GATAD2B: variants seen among roughly 807,000 people sequenced by gnomAD.
The protein encoded by GATAD2B is transcriptional repressor p66-beta.
A neutral mutation model predicts 64.3 loss-of-function variants in GATAD2B; 8 were observed. The ratio of observed to expected loss-of-function variants is 0.12; its 90% CI spans 0.07 to 0.22. GATAD2B has a LOEUF of 0.22. Among genes scored for constraint, GATAD2B ranks in the 10% least tolerant of loss-of-function variants. GATAD2B has a pLI of 1.00. For missense variants in GATAD2B, 453 were observed against 752.0 expected (o/e 0.60, Z 4.65); for synonymous variants, 281 against 271.3 (o/e 1.04, Z -0.35).
intron 1 of GATAD2B, among the ~76,000 whole-genome samples, chr1:153,913,847 G>A (rs930073178): frequency 2.1e-4 from 32 of 151,442 alleles, no homozygotes; most frequent in Non-Finnish European, 4.4e-4. Flanking sequence ...GTGAACCCGG[G>A]AGGCAGAGCT....
At chr1:153,825,375 C>T (rs1324478225) in intron 2 of GATAD2B, among the ~76,000 whole-genome samples, 1 of 152,164 alleles carries the variant, frequency 6.6e-6, no homozygotes, top group Non-Finnish European at 1.5e-5. Context: ...TCCAGGACCT[C>T]TAGGGAATCT....
intron 7 of GATAD2B, among the ~76,000 whole-genome samples, chr1:153,815,455 CT>C (rs66480651): frequency 0.9 from 135,546 of 150,060 alleles, 61,485 homozygotes; most frequent in Non-Finnish European, 0.95. Flanking sequence ...CAAAAACAAT[CT>C]TTTTTTTTTT....
At chr1:153,894,033 A>C (rs1008621542) in intron 1 of GATAD2B, among the ~76,000 whole-genome samples, 3 of 151,830 alleles carry the variant, frequency 2.0e-5, no homozygotes, top group South Asian at 2.1e-4. Flanking sequence ...AACACCACCA[A>C]CATGACTTTA....
At chr1:153,912,052 A>C (rs1037181694) in intron 1 of GATAD2B, among the ~76,000 whole-genome samples, 1 of 152,238 alleles carries the variant, frequency 6.6e-6, no homozygotes, top group Non-Finnish European at 1.5e-5. Flanking sequence ...GAAATTAAAA[A>C]TGCCCAGATT....
chr1:153,887,586 G>A (rs1390109014), intron 1 of GATAD2B, among the ~76,000 whole-genome samples: 1 of 152,140 alleles, frequency 6.6e-6, no homozygotes, highest in East Asian at 1.9e-4. Flanking sequence ...AGGGAGTACT[G>A]TTCTCAAAGT....
intron 1 of GATAD2B, among the ~76,000 whole-genome samples, chr1:153,881,414 CCAT>C (rs1677006082): frequency 6.6e-6 from 1 of 152,160 alleles, no homozygotes; most frequent in Non-Finnish European, 1.5e-5. Context: ...GAGACCCTTA[CCAT>C]TATAGCAAAT....
chr1:153,902,993 G>A (rs1281182864), intron 1 of GATAD2B, among the ~76,000 whole-genome samples: 1 of 152,078 alleles, frequency 6.6e-6, no homozygotes, highest in Non-Finnish European at 1.5e-5. Flanking sequence ...CGAGGCAGAG[G>A]GATCACAAGG....
chr1:153,820,238 A>G (rs981286617), intron 2 of GATAD2B, among the ~76,000 whole-genome samples: 2 of 152,248 alleles, frequency 1.3e-5, no homozygotes, highest in Non-Finnish European at 2.9e-5. Flanking sequence ...TTAAACCTCC[A>G]GAACCAAATA....
At chr1:153,876,820 T>A (rs563706538) in intron 1 of GATAD2B, among the ~76,000 whole-genome samples, 3 of 150,814 alleles carry the variant, frequency 2.0e-5, no homozygotes, top group Admixed American at 2.0e-4. Context: ...CTGGCCAACA[T>A]GGTGAAACCC....
intron 1 of GATAD2B, among the ~76,000 whole-genome samples, chr1:153,919,950 A>G (rs1474476469): frequency 1.3e-5 from 2 of 152,238 alleles, no homozygotes; most frequent in African/African-American, 4.8e-5. Context: ...TTTCTCTAGC[A>G]GTTGTTTTAA....
rs573474303 is a variant in GATAD2B, at chr1:153,854,866, T to C, written c.-1-26518A>G. Among the ~76,000 whole-genome samples, 15 of 152,268 alleles carry C rather than the reference T, an allele frequency of 9.9e-5. 1 individual carries two copies. In the South Asian group the frequency reaches 2.3e-3, roughly 23 times the overall value. On this transcript the variant is annotated intron_variant, in intron 1 of 10. Coordinates refer to ENST00000368655, the MANE Select transcript of GATAD2B (RefSeq NM_020699.4). ...GGGATCAAACTTTTCACTGCAGGCATTGAGACAATTAACATGGAAACAATC... is the reference window on the plus strand; with the variant it reads ...GGGATCAAACTTTTCACTGCAGGCACTGAGACAATTAACATGGAAACAATC...
intron 1 of GATAD2B, among the ~76,000 whole-genome samples, chr1:153,917,075 G>A (rs1678289562): frequency 6.6e-6 from 1 of 150,804 alleles, no homozygotes; most frequent in Non-Finnish European, 1.5e-5. Flanking sequence ...CAAAGTACTA[G>A]GAATACAGGT....
intron 7 of GATAD2B, among the ~76,000 whole-genome samples, chr1:153,814,826 A>G (rs527485558): frequency 6.6e-6 from 1 of 151,584 alleles, no homozygotes; most frequent in African/African-American, 2.4e-5. Context: ...AAACACAAAA[A>G]TTGGCCAGGT....
chr1:153,818,155 T>C lies in GATAD2B; in HGVS notation c.614A>G (p.Asn205Ser). 1 of 1,609,844 alleles carries C rather than the reference T, an allele frequency of 6.2e-7. No individual in the cohort carries two copies. Among genetic ancestry groups the C allele is most frequent in the East Asian group, 2.2e-5 (1 of 44,584 alleles). ...NVVQKTPVVQ[N>S]AASIVQPSPA... ...AGATGGCTGAACAATAGATGCTGCATTCTGTACAACTGGAGTCTGGGAGAG... is the reference window on the plus strand; with the variant it reads ...AGATGGCTGAACAATAGATGCTGCACTCTGTACAACTGGAGTCTGGGAGAG... The change falls in exon 5 of 11, where the codon AAT (asparagine) becomes AGT (serine). Residue 205 changes from asparagine to serine, a missense_variant. Asn to Ser is a conservative substitution (Grantham distance 46). Transcript: ENST00000368655.
At chr1:153,890,825 T>G (rs1677360560) in intron 1 of GATAD2B, 1 of 152,230 alleles carries the variant, frequency 6.6e-6, no homozygotes, top group Non-Finnish European at 1.5e-5. Flanking sequence ...CCCAGGTGAT[T>G]CTGCTATCAT....
intron 1 of GATAD2B, among the ~76,000 whole-genome samples, chr1:153,868,892 A>G (rs1419876872): frequency 6.6e-6 from 1 of 151,696 alleles, no homozygotes; most frequent in Non-Finnish European, 1.5e-5. Context: ...GCACCATCAC[A>G]CCTGGCTAGT....
At chr1:153,880,599 T>C (rs1173303067) in intron 1 of GATAD2B, among the ~76,000 whole-genome samples, 24 of 152,124 alleles carry the variant, frequency 1.6e-4, no homozygotes, top group Admixed American at 1.5e-3. Context: ...AATCATTCTT[T>C]TCTCAAGCAC....
chr1:153,872,808 A>G (rs934304726), intron 1 of GATAD2B, among the ~76,000 whole-genome samples: 3 of 152,200 alleles, frequency 2.0e-5, no homozygotes, highest in African/African-American at 7.2e-5. Flanking sequence ...AATAACTGTA[A>G]AAGTACTTTT....
intron 2 of GATAD2B, among the ~76,000 whole-genome samples, chr1:153,825,033 C>G (rs771627472): frequency 1.3e-5 from 2 of 151,744 alleles, no homozygotes; most frequent in Admixed American, 6.6e-5. Flanking sequence ...TTGCAGTGAA[C>G]GGACATCATG....
Sources: gnomAD v4.1 joint callset for allele counts (sites outside exome capture counted in the v4.1 genomes callset) on GRCh38, gnomAD v4.1.1 for gene constraint, MANE v1.5 for transcripts, NCBI Gene and HGNC (gene_info 2026-07-23, HGNC 2026-07-21) for gene names.